ADAMTS12: variants seen among roughly 807,000 people sequenced by gnomAD.
ADAMTS12 encodes ADAM metallopeptidase with thrombospondin type 1 motif 12.
A neutral mutation model predicts 167.8 loss-of-function variants in ADAMTS12; 118 were observed. That is an observed-to-expected ratio of 0.70 (90% confidence interval 0.61 to 0.82). The LOEUF (loss-of-function observed/expected upper bound fraction) is 0.82. Among genes scored for constraint, ADAMTS12 ranks in the 40% least tolerant of loss-of-function variants. The probability of loss-of-function intolerance (pLI) is 0.00; values close to 1 mark genes in which losing one functional copy is unlikely to be tolerated. For missense variants in ADAMTS12, 1,916 were observed against 1,998.8 expected, an observed-to-expected ratio of 0.96 and a Z score of 0.79; for synonymous variants, 704 against 716.9, an observed-to-expected ratio of 0.98 and a Z score of 0.29.
At chr5:33,597,838 G>T (rs1737982266) in intron 16 of ADAMTS12, among the ~76,000 whole-genome samples, 2 of 152,084 alleles carry the variant, frequency 1.3e-5, no homozygotes, top group Admixed American at 1.3e-4. Flanking sequence ...GGGGAAAAAA[G>T]TTTAGCTGCT....
intron 13 of ADAMTS12, among the ~76,000 whole-genome samples, chr5:33,630,249 C>T (rs1739858522): frequency 6.6e-6 from 1 of 152,176 alleles, no homozygotes; most frequent in Admixed American, 6.5e-5. Context: ...TGGTTACACA[C>T]TTAAAAGCAT....
In ADAMTS12 at chr5:33,729,738, G is replaced by A. The variant is rs536065684; in HGVS notation, c.634+21666C>T. Among the ~76,000 whole-genome samples, 10 of 152,320 alleles carry A rather than the reference G, an allele frequency of 6.6e-5. 1 individual carries two copies. The East Asian group carries it at 1.4e-3, about 21-fold the overall frequency. On this transcript the variant is annotated intron_variant, in intron 3 of 23. Transcript: ENST00000504830. The stretch of plus-strand genomic sequence containing the variant: ...CCTCTGGGATGCTGGAGACTGGCAG[G>A]TCAGGCAGATCCTACTGGTTGGCAA...
intron 3 of ADAMTS12, among the ~76,000 whole-genome samples, chr5:33,702,648 A>G (rs1743043040): frequency 6.6e-6 from 1 of 152,202 alleles, no homozygotes; most frequent in South Asian, 2.1e-4. Flanking sequence ...CTCAGTCACC[A>G]CAAACTCTAC....
chr5:33,855,588 G>A (rs1357131364), intron 2 of ADAMTS12, among the ~76,000 whole-genome samples: 4 of 152,182 alleles, frequency 2.6e-5, no homozygotes, highest in African/African-American at 9.6e-5. Flanking sequence ...AACGAGTCAT[G>A]TTTGCCTTCG....
intron 1 of ADAMTS12, among the ~76,000 whole-genome samples, chr5:33,883,069 C>G (rs1344784360): frequency 2.0e-5 from 3 of 152,090 alleles, no homozygotes; most frequent in Non-Finnish European, 4.4e-5. Flanking sequence ...TCCTAGTGTC[C>G]CTGGCTAAAC....
intron 20 of ADAMTS12, among the ~76,000 whole-genome samples, chr5:33,560,453 C>T (rs1250324222): frequency 6.6e-6 from 1 of 152,120 alleles, no homozygotes; most frequent in Non-Finnish European, 1.5e-5. Context: ...AATCATGCTG[C>T]TATAAAGACA....
At chr5:33,563,334 AG>A (rs1462681265) in intron 19 of ADAMTS12, among the ~76,000 whole-genome samples, 1 of 152,188 alleles carries the variant, frequency 6.6e-6, no homozygotes, top group Non-Finnish European at 1.5e-5. Context: ...CTCTTGAATC[AG>A]GGCTGTCCTT....
chr5:33,720,577 G>A (rs1233894394), intron 3 of ADAMTS12, among the ~76,000 whole-genome samples: 2 of 152,268 alleles, frequency 1.3e-5, no homozygotes, highest in African/African-American at 4.8e-5. Flanking sequence ...AAGCTGAGGT[G>A]AGCAGCAACA....
chr5:33,735,256 G>A (rs889939707), intron 3 of ADAMTS12, among the ~76,000 whole-genome samples: 5 of 152,118 alleles, frequency 3.3e-5, no homozygotes, highest in African/African-American at 9.7e-5. Flanking sequence ...TAGGGTTTTC[G>A]ATTCAATAAA....
intron 22 of ADAMTS12, among the ~76,000 whole-genome samples, chr5:33,538,734 C>A (rs6886934): frequency 0.032 from 4,859 of 152,202 alleles, 274 homozygotes; most frequent in African/African-American, 0.11. Context: ...AAGCGATGGT[C>A]AGTTAGGTAA....
At chr5:33,670,374 G>A (rs1741632129) in intron 5 of ADAMTS12, among the ~76,000 whole-genome samples, 1 of 152,156 alleles carries the variant, frequency 6.6e-6, no homozygotes, top group Non-Finnish European at 1.5e-5. Flanking sequence ...AGGTAAAACT[G>A]AATCATTCAC....
rs558826018 is a variant in ADAMTS12, at chr5:33,864,451, C to T, written c.489+16668G>A. Among the ~76,000 whole-genome samples the T allele has an allele frequency of 1.1e-4, 16 of 152,252 alleles. No individual in the cohort carries two copies. In the East Asian group the frequency reaches 3.1e-3, roughly 29 times the overall value. On this transcript the variant is annotated intron_variant, in intron 2 of 23. Transcript: ENST00000504830. ...GTGGTGATTCCTCAAGGACCTAGAACCAGAAATACCATTTGACCCAACAAT... is the reference window on the plus strand; with the variant it reads ...GTGGTGATTCCTCAAGGACCTAGAATCAGAAATACCATTTGACCCAACAAT...
At chr5:33,607,214 GCCCAATGCAA>G (rs1268048202) in intron 16 of ADAMTS12, among the ~76,000 whole-genome samples, 10 of 140,570 alleles carry the variant, frequency 7.1e-5, no homozygotes, top group South Asian at 2.2e-4. Flanking sequence ...TCTGTGACAG[GCCCAATGCAA>G]TGCAATGCAA....
At chr5:33,721,431 G>A (rs1361840470) in intron 3 of ADAMTS12, among the ~76,000 whole-genome samples, 5 of 152,174 alleles carry the variant, frequency 3.3e-5, no homozygotes. Context: ...CTTGGATCAG[G>A]AGGCAGAACC....
intron 13 of ADAMTS12, among the ~76,000 whole-genome samples, chr5:33,628,509 T>C (rs1417926083): frequency 6.6e-6 from 1 of 152,178 alleles, no homozygotes; most frequent in Non-Finnish European, 1.5e-5. Context: ...GACAATAGAA[T>C]CTGCAACTCT....
intron 20 of ADAMTS12, among the ~76,000 whole-genome samples, chr5:33,555,802 T>C (rs980120417): frequency 6.6e-6 from 1 of 152,176 alleles, no homozygotes; most frequent in African/African-American, 2.4e-5. Flanking sequence ...AAAATAAAAT[T>C]GTTTATCCAA....
At chr5:33,861,425 C>A (rs1455779474) in intron 2 of ADAMTS12, among the ~76,000 whole-genome samples, 2 of 152,090 alleles carry the variant, frequency 1.3e-5, no homozygotes, top group African/African-American at 4.8e-5. Flanking sequence ...TCAAAAAAGA[C>A]AAAGAAGGGC....
intron 3 of ADAMTS12, among the ~76,000 whole-genome samples, chr5:33,693,910 C>A (rs1742648501): frequency 6.6e-6 from 1 of 152,078 alleles, no homozygotes; most frequent in Non-Finnish European, 1.5e-5. Context: ...TGATTCTATA[C>A]CTAGAAAACC....
At chr5:33,570,387 C>G (rs1259288097) in intron 19 of ADAMTS12, among the ~76,000 whole-genome samples, 1 of 152,220 alleles carries the variant, frequency 6.6e-6, no homozygotes, top group Admixed American at 6.5e-5. Context: ...ATCAGACTAA[C>G]AGTGGATCTC....
Sources: allele counts gnomAD v4.1 joint callset (sites outside exome capture counted in the v4.1 genomes callset), GRCh38; gene constraint gnomAD v4.1.1; transcripts MANE v1.5; gene names NCBI Gene and HGNC (gene_info 2026-07-23, HGNC 2026-07-21).